COLEC10: variants seen among roughly 807,000 people sequenced by gnomAD.
COLEC10 encodes collectin subfamily member 10, also known as collectin-10.
COLEC10 carries 22 observed loss-of-function variants against 28.4 expected under a neutral mutation model. The observed-to-expected ratio is 0.78, with a 90% CI of 0.55 to 1.11. COLEC10 has a LOEUF of 1.11. Among genes scored for constraint, COLEC10 ranks in the 50% least tolerant of loss-of-function variants. The pLI, the probability that COLEC10 is intolerant of heterozygous loss-of-function variation, is 0.00. For synonymous variants in COLEC10, 125 were observed against 116.1 expected (o/e 1.08, Z -0.49); for missense variants, 361 against 344.1 (o/e 1.05, Z -0.39).
At chr8:118,994,556 G>A (rs1813559147), upstream of COLEC10, among the ~76,000 whole-genome samples, 1 of 152,138 alleles carries the variant, frequency 6.6e-6, no homozygotes, top group Admixed American at 6.6e-5. Context: ...CCATTGTTCA[G>A]ACAAGGAAAC....
the COLEC10 span, among the ~76,000 whole-genome samples, chr8:118,971,073 C>T: frequency 9.9e-5 from 15 of 151,948 alleles, no homozygotes; most frequent in African/African-American, 2.7e-4. Context: ...ACTGAATCTT[C>T]GCCAAGGAAG....
chr8:119,069,623 AAAAAAAATATATATATATATAT>A lies in COLEC10; in HGVS notation c.148+2196_148+2217del, dbSNP rs1196742873. ...CCCATCTCAAAAAAAAAAAAAAAAAAAAAAAAATATATATATATATATATATATATATATATATGTAAACTGC... is the reference window on the plus strand; with the variant it reads ...CCCATCTCAAAAAAAAAAAAAAAAAAATATATATATATATATGTAAACTGC... On this transcript the variant is annotated intron_variant, in intron 1 of 5. Coordinates refer to ENST00000332843, the MANE Select transcript of COLEC10 (RefSeq NM_006438.5). Among the ~76,000 whole-genome samples the A allele has an allele frequency of 5.9e-4, 32 of 54,350 alleles. 1 individual carries two copies. The East Asian group carries it at 6.9e-3, about 12-fold the overall frequency. The allele number at this position is 54,350 out of a possible 152,430, so 35.7% of individuals were successfully genotyped here.
At chr8:119,020,790 A>T (rs1483603211) in intron 2 of COLEC10, among the ~76,000 whole-genome samples, 3 of 152,200 alleles carry the variant, frequency 2.0e-5, no homozygotes, top group Non-Finnish European at 2.9e-5. Context: ...TGCTAAATTA[A>T]ATGTGATTAT....
At chr8:119,020,088 G>A (rs527291388) in intron 2 of COLEC10, among the ~76,000 whole-genome samples, 3 of 152,142 alleles carry the variant, frequency 2.0e-5, no homozygotes, top group Admixed American at 2.0e-4. Context: ...GATCACACAG[G>A]ACTTATTCAT....
At chr8:119,088,171 G>C (rs1815519588) in intron 1 of COLEC10, among the ~76,000 whole-genome samples, 1 of 151,328 alleles carries the variant, frequency 6.6e-6, no homozygotes, top group African/African-American at 2.4e-5. Flanking sequence ...GGGAAGGAAG[G>C]AGAGTGGGAA....
chr8:119,005,481 C>G (rs1813777977), intron 1 of COLEC10, among the ~76,000 whole-genome samples: 1 of 152,022 alleles, frequency 6.6e-6, no homozygotes, highest in Non-Finnish European at 1.5e-5. Flanking sequence ...AAGTGGGCAG[C>G]CTGAAATGGT....
At chr8:118,952,993 G>C in the COLEC10 span, among the ~76,000 whole-genome samples, 4 of 152,190 alleles carry the variant, frequency 2.6e-5, no homozygotes, top group Non-Finnish European at 4.4e-5. Context: ...TATGTCTCCA[G>C]AGAAGGGCAA....
chr8:118,989,211 T>C, the COLEC10 span, among the ~76,000 whole-genome samples: 2 of 151,948 alleles, frequency 1.3e-5, no homozygotes, highest in African/African-American at 2.4e-5. Flanking sequence ...ACAGAAATAA[T>C]GAATGCCTCT....
chr8:119,088,001 C>T (rs1310942210), intron 1 of COLEC10, among the ~76,000 whole-genome samples: 1 of 152,074 alleles, frequency 6.6e-6, no homozygotes. Context: ...TAGACATTCA[C>T]TGTTAACTTT....
chr8:118,996,689 G>A (rs1219742123), intron 1 of COLEC10, among the ~76,000 whole-genome samples: 1 of 152,178 alleles, frequency 6.6e-6, no homozygotes, highest in Non-Finnish European at 1.5e-5. Context: ...TTACCACAGT[G>A]AAATACCTGG....
In COLEC10 at chr8:119,107,709, G is replaced by C. The variant is rs1394187585; in HGVS notation, c.*1518G>C. On this transcript the variant is annotated 3_prime_UTR_variant, in exon 6 of 6. Transcript: ENST00000332843. ...TGAAGTGGAACACGTGGGGACCCTA[G>C]TGCACTGAGCACAGCTTGCCCTTCC... Among the ~76,000 whole-genome samples the C allele has an allele frequency of 6.6e-6, 1 of 152,152 alleles. No homozygotes were observed. The highest frequency in any genetic ancestry group is 1.5e-5 in the Non-Finnish European group (1 of 68,024).
At position 119,099,566 on chromosome 8, in the gene COLEC10, G is replaced by C. The variant is rs373096704; in HGVS notation, c.293-2782G>C. 9.3e-5 allele frequency among the ~76,000 whole-genome samples: 14 copies of C among 150,496 alleles called. No homozygotes were observed. The East Asian group carries it at 1.4e-3, about 15-fold the overall frequency. On this transcript the variant is annotated intron_variant, in intron 3 of 5. Coordinates refer to ENST00000332843, the MANE Select transcript of COLEC10 (RefSeq NM_006438.5). ...AGGATTCAAACCCTGGTTTTGGGGA[G>C]CTTTCATCATCTTTCATTGCACCAC...
chr8:119,011,854 T>C (rs905382707), intron 2 of COLEC10, among the ~76,000 whole-genome samples: 1 of 150,968 alleles, frequency 6.6e-6, no homozygotes, highest in Non-Finnish European at 1.5e-5. Context: ...AAGTGTTATA[T>C]TGGCATACTT....
At chr8:118,990,184 A>G in the COLEC10 span, among the ~76,000 whole-genome samples, 8 of 152,242 alleles carry the variant, frequency 5.3e-5, no homozygotes, top group Middle Eastern at 6.8e-3. Context: ...AGAACAAGAT[A>G]GATTGTATGG....
intron 2 of COLEC10, among the ~76,000 whole-genome samples, chr8:119,056,855 G>T (rs1814770766): frequency 6.6e-6 from 1 of 151,936 alleles, no homozygotes; most frequent in Non-Finnish European, 1.5e-5. Flanking sequence ...TCAGGATCTA[G>T]TCCTTAACTC....
chr8:118,999,218 A>C (rs1813645424), intron 1 of COLEC10, among the ~76,000 whole-genome samples: 1 of 152,282 alleles, frequency 6.6e-6, no homozygotes, highest in East Asian at 1.9e-4. Flanking sequence ...ATTTGGAGCC[A>C]TTAAAATGGA....
intron 2 of COLEC10, among the ~76,000 whole-genome samples, chr8:119,035,738 C>T (rs1419064074): frequency 2.0e-5 from 3 of 152,106 alleles, no homozygotes; most frequent in Non-Finnish European, 4.4e-5. Flanking sequence ...TGGTTTTGGG[C>T]CTTCCAGTTA....
intron 2 of COLEC10, among the ~76,000 whole-genome samples, chr8:119,053,430 A>G (rs1384019660): frequency 3.3e-5 from 5 of 152,144 alleles, no homozygotes; most frequent in Non-Finnish European, 5.9e-5. Context: ...AAGCAGGAAC[A>G]CTTGAGTACC....
At chr8:119,039,919 G>A (rs1449700580) in intron 2 of COLEC10, among the ~76,000 whole-genome samples, 5 of 152,118 alleles carry the variant, frequency 3.3e-5, no homozygotes, top group African/African-American at 1.2e-4. Context: ...GATTCAAGTT[G>A]CTACTTTAGT....
Sources: allele counts gnomAD v4.1 joint callset (sites outside exome capture counted in the v4.1 genomes callset), GRCh38; gene constraint gnomAD v4.1.1; transcripts MANE v1.5; gene names NCBI Gene and HGNC (gene_info 2026-07-23, HGNC 2026-07-21).